ESD: variants seen among roughly 807,000 people sequenced by gnomAD.
ESD encodes the protein esterase D.
Under a neutral mutation model 38.1 loss-of-function variants are expected in ESD, and 34 were observed. The observed-to-expected ratio is 0.89, with a 90% CI of 0.68 to 1.19. The LOEUF (loss-of-function observed/expected upper bound fraction) is 1.19. Ranked by LOEUF, ESD falls within the 50% of genes most tolerant of loss-of-function variation. ESD has a pLI of 0.00. For synonymous variants in ESD, 97 were observed against 107.0 expected, an observed-to-expected ratio of 0.91 and a Z score of 0.58; for missense variants, 334 against 327.2, an observed-to-expected ratio of 1.02 and a Z score of -0.16.
intron 9 of ESD, among the ~76,000 whole-genome samples, chr13:46,772,399 TA>T (rs1874637860): frequency 6.6e-6 from 1 of 152,076 alleles, no homozygotes; most frequent in South Asian, 2.1e-4. Context: ...AAAAAAAAAA[TA>T]ATTACAATAA....
At chr13:46,792,039 ACTT>A (rs936405818) in intron 2 of ESD, among the ~76,000 whole-genome samples, 13 of 152,090 alleles carry the variant, frequency 8.5e-5, no homozygotes, top group Non-Finnish European at 1.3e-4. Context: ...AAGCCTGTTA[ACTT>A]CTTTTCTGTC....
chr13:46,778,821 T>G (rs190304645), intron 8 of ESD, among the ~76,000 whole-genome samples: 6 of 151,920 alleles, frequency 3.9e-5, no homozygotes, highest in Middle Eastern at 3.4e-3. Flanking sequence ...AACAAAACTG[T>G]AATCTAGTTA....
At chr13:46,779,886 C>T (rs372487616) in intron 8 of ESD, 49 bp downstream of exon 8, 1 of 1,449,924 alleles carries the variant, frequency 6.9e-7, no homozygotes, top group Non-Finnish European at 9.5e-7. Context: ...ACCTTTTAAA[C>T]AAACTTGAAA....
intron 2 of ESD, among the ~76,000 whole-genome samples, chr13:46,791,721 A>G (rs192955901): frequency 8.5e-4 from 130 of 152,224 alleles, no homozygotes; most frequent in Non-Finnish European, 1.7e-3. Flanking sequence ...CAGAAAATAC[A>G]TAAGTTACCA....
At chr13:46,775,577 A>G in intron 9 of ESD, 1 of 453,860 alleles carries the variant, frequency 2.2e-6, no homozygotes, top group Non-Finnish European at 4.5e-6. Flanking sequence ...AGAAAATCTG[A>G]AAGCAGACTC....
At chr13:46,775,200 C>T (rs2138283525) in intron 9 of ESD, among the ~76,000 whole-genome samples, 1 of 151,512 alleles carries the variant, frequency 6.6e-6, no homozygotes, top group African/African-American at 2.4e-5. Context: ...AATTTAGATT[C>T]CCTGAAGCCA....
At chr13:46,775,475 C>G (rs1471110880) in intron 9 of ESD, 5 of 284,960 alleles carry the variant, frequency 1.8e-5, no homozygotes, top group Non-Finnish European at 3.7e-5. Context: ...TTCTATCCCA[C>G]AAGGAAATAC....
chr13:46,776,130 G>C (rs978236127), intron 9 of ESD: 1 of 152,794 alleles, frequency 6.5e-6, no homozygotes, highest in Admixed American at 6.5e-5. Flanking sequence ...AGTCAAATTG[G>C]TATTTGGATT....
chr13:46,779,834 A>G (rs1487315375), intron 8 of ESD, 101 bp downstream of exon 8: 2 of 637,680 alleles, frequency 3.1e-6, no homozygotes, highest in Non-Finnish European at 5.1e-6. Context: ...TCTCAGCTCT[A>G]GAGCCCTAAC....
chr13:46,786,081 A>G (rs1024167627), intron 4 of ESD, among the ~76,000 whole-genome samples: 2 of 152,028 alleles, frequency 1.3e-5, no homozygotes, highest in African/African-American at 2.4e-5. Context: ...ATACAATATT[A>G]TATTTTCTAA....
At chr13:46,779,870 T>A in intron 8 of ESD, 65 bp downstream of exon 8, 1 of 1,257,238 alleles carries the variant, frequency 8.0e-7, no homozygotes, top group Middle Eastern at 1.9e-4. Flanking sequence ...ATATAATATA[T>A]GTCCAACCTT....
At chr13:46,781,417 G>T in intron 7 of ESD, 79 bp downstream of exon 7, 1 of 1,327,896 alleles carries the variant, frequency 7.5e-7, no homozygotes, top group East Asian at 2.5e-5. Flanking sequence ...TAACAATATT[G>T]TAATTTTACT....
chr13:46,792,757 G>A (rs1875441660), intron 2 of ESD, among the ~76,000 whole-genome samples: 1 of 151,982 alleles, frequency 6.6e-6, no homozygotes, highest in African/African-American at 2.4e-5. Flanking sequence ...ATTAGTTACT[G>A]AATATTAACT....
Position 46,781,620 on chromosome 13 carries a change from A to G in ESD, c.382-5T>C. ...GGCATTTATGAGTTGGGGAAGCTAG[A>G]AAAAATTTAATAGTGTGACAAAAGA... On this transcript the variant is annotated splice_region_variant and splice_polypyrimidine_tract_variant and intron_variant, in intron 6 of 9. Coordinates refer to ENST00000378720, the MANE Select transcript of ESD (RefSeq NM_001984.2). 6.2e-7 allele frequency: 1 copy of G among 1,602,904 alleles called. No individual in the cohort carries two copies. Among genetic ancestry groups the G allele is most frequent in the Non-Finnish European group, 8.5e-7 (1 of 1,173,288 alleles).
chr13:46,793,711 G>GA (rs1378055111), intron 1 of ESD, among the ~76,000 whole-genome samples: 1 of 152,150 alleles, frequency 6.6e-6, no homozygotes, highest in African/African-American at 2.4e-5. Context: ...AAAGTACTAT[G>GA]AAAGTTTTTT....
At chr13:46,771,560 T>A in intron 9 of ESD, 64 bp from the exon 10 acceptor site, 2 of 1,008,616 alleles carry the variant, frequency 2.0e-6, no homozygotes, top group South Asian at 1.4e-5. Flanking sequence ...TTAGGAACAT[T>A]AAATATATCT....
At chr13:46,774,091 G>A (rs1003148043) in intron 9 of ESD, among the ~76,000 whole-genome samples, 1 of 152,112 alleles carries the variant, frequency 6.6e-6, no homozygotes, top group African/African-American at 2.4e-5. Flanking sequence ...ATGTGACTGA[G>A]TATGCCATAT....
intron 1 of ESD, among the ~76,000 whole-genome samples, chr13:46,795,518 C>T (rs759383590): frequency 6.6e-6 from 1 of 152,194 alleles, no homozygotes; most frequent in Non-Finnish European, 1.5e-5. Context: ...TGCCTCATCA[C>T]CCCCTGGCTG....
chr13:46,796,577 A>G (rs890318925), intron 1 of ESD, among the ~76,000 whole-genome samples: 3 of 152,164 alleles, frequency 2.0e-5, no homozygotes, highest in Non-Finnish European at 4.4e-5. Flanking sequence ...AGATTTTGTC[A>G]AACTCCAAAG....
Sources: allele counts gnomAD v4.1 joint callset (sites outside exome capture counted in the v4.1 genomes callset), GRCh38; gene constraint gnomAD v4.1.1; transcripts MANE v1.5; gene names NCBI Gene and HGNC (gene_info 2026-07-23, HGNC 2026-07-21).